IL1RAPL1: variants seen among roughly 807,000 people sequenced by gnomAD.
IL1RAPL1 encodes the protein interleukin 1 receptor accessory protein like 1.
IL1RAPL1 carries 3 observed loss-of-function variants against 48.4 expected under a neutral mutation model. That is an observed-to-expected ratio of 0.06 (90% CI 0.03 to 0.16). IL1RAPL1 has a LOEUF of 0.16. Among genes scored for constraint, IL1RAPL1 ranks in the 10% least tolerant of loss-of-function variants. The pLI is 1.00. For synonymous variants in IL1RAPL1, 185 were observed against 187.7 expected, an observed-to-expected ratio of 0.99 and a Z score of 0.12; for missense variants, 349 against 530.6, an observed-to-expected ratio of 0.66 and a Z score of 3.36.
intron 2 of IL1RAPL1, among the ~76,000 whole-genome samples, chrX:29,051,190 A>G (rs981105417): frequency 8.0e-5 from 9 of 112,229 alleles, no homozygotes; most frequent in African/African-American, 2.9e-4. Context: ...GCATGTACAT[A>G]ACAGTGTCGA....
At chrX:29,226,949 C>T (rs1931094262) in intron 2 of IL1RAPL1, among the ~76,000 whole-genome samples, 1 of 107,868 alleles carries the variant, frequency 9.3e-6, no homozygotes, top group South Asian at 4.0e-4. Flanking sequence ...CTCCAAAGAA[C>T]ATTATTATAA....
At chrX:28,953,154 G>A (rs1924516486) in intron 2 of IL1RAPL1, among the ~76,000 whole-genome samples, 2 of 111,134 alleles carry the variant, frequency 1.8e-5, no homozygotes, top group Non-Finnish European at 3.8e-5. Flanking sequence ...TGAAATTGGT[G>A]GTGTTTTCTT....
In IL1RAPL1 at chrX:28,643,906, G is replaced by C. The variant is rs748282855; in HGVS notation, c.-25+55859G>C. Among the ~76,000 whole-genome samples the C allele has an allele frequency of 2.7e-5, 3 of 111,610 alleles. No individual in the cohort carries two copies. The East Asian group carries it at 8.5e-4, about 32-fold the overall frequency. ...TTGTTGTGCCAAATAATTCAGCTCT[G>C]GTCCTGAGTTTACAAACACATTCTT... On this transcript the variant is annotated intron_variant, in intron 1 of 10. Coordinates refer to ENST00000378993, the MANE Select transcript of IL1RAPL1 (RefSeq NM_014271.4).
chrX:28,949,549 T>C (rs1924395006), intron 2 of IL1RAPL1, among the ~76,000 whole-genome samples: 1 of 111,538 alleles, frequency 9.0e-6, no homozygotes, highest in Non-Finnish European at 1.9e-5. Flanking sequence ...TACTATCTGG[T>C]CCTTTGTAGA....
intron 2 of IL1RAPL1, among the ~76,000 whole-genome samples, chrX:29,081,010 C>CTTTTCTTT (rs1927814770): frequency 5.9e-5 from 4 of 67,724 alleles, no homozygotes; most frequent in Middle Eastern, 7.6e-3. Flanking sequence ...CTCTCTCTCT[C>CTTTTCTTT]TCTCTCTCTC....
intron 6 of IL1RAPL1, among the ~76,000 whole-genome samples, chrX:29,672,580 C>G (rs144100940): frequency 9.0e-6 from 1 of 111,341 alleles, no homozygotes; most frequent in African/African-American, 3.3e-5. Context: ...TCTATAATCT[C>G]TATCCATTTT....
intron 2 of IL1RAPL1, among the ~76,000 whole-genome samples, chrX:28,808,110 C>T (rs1257281428): frequency 9.0e-6 from 1 of 111,251 alleles, no homozygotes; most frequent in Non-Finnish European, 1.9e-5. Context: ...GTTTTCCTCG[C>T]AGTAGATTGA....
At chrX:29,415,798 G>A (rs1351142796) in intron 5 of IL1RAPL1, among the ~76,000 whole-genome samples, 1 of 112,144 alleles carries the variant, frequency 8.9e-6, no homozygotes, top group Non-Finnish European at 1.9e-5. Flanking sequence ...TTGTTACTTG[G>A]TATAAATAAA....
rs753272528 is a variant in IL1RAPL1 at position 28,762,779 on chromosome X, C to T, written c.-24-26541C>T. Among the ~76,000 whole-genome samples, 5 of 65,666 alleles carry T rather than the reference C, an allele frequency of 7.6e-5. No individual in the cohort carries two copies. In the East Asian group the frequency reaches 3.0e-3, roughly 40 times the overall value. 57.0% of individuals were successfully genotyped at this position (65,666 alleles called of 115,157 possible). A position where few individuals can be genotyped will look rare whatever the true frequency, so the allele number is the denominator to read the frequency against. On this transcript the variant is annotated intron_variant, in intron 1 of 10. Coordinates refer to ENST00000378993, the MANE Select transcript of IL1RAPL1 (RefSeq NM_014271.4). Reference sequence around the variant, plus strand: ...GTATATATATAAAATCTAATACGCACGCGCGCGCACACACACACACACACA... The same window carrying T: ...GTATATATATAAAATCTAATACGCATGCGCGCGCACACACACACACACACA...
At chrX:29,155,007 C>CTT (rs1276795423) in intron 2 of IL1RAPL1, among the ~76,000 whole-genome samples, 2 of 101,361 alleles carry the variant, frequency 2.0e-5, no homozygotes, top group Non-Finnish European at 4.0e-5. Context: ...TTCTTTCTGT[C>CTT]TTTTTTTTTT....
chrX:29,496,698 T>C (rs2179406), intron 5 of IL1RAPL1, among the ~76,000 whole-genome samples: 7,693 of 111,106 alleles, frequency 0.069, 663 homozygotes, highest in African/African-American at 0.24. Flanking sequence ...GTGGTTTAAC[T>C]GAGCACTTAA....
intron 5 of IL1RAPL1, among the ~76,000 whole-genome samples, chrX:29,562,906 G>C (rs1436623545): frequency 8.9e-6 from 1 of 111,908 alleles, no homozygotes; most frequent in Non-Finnish European, 1.9e-5. Context: ...ATGACAAAGA[G>C]AGCATGACCA....
intron 2 of IL1RAPL1, among the ~76,000 whole-genome samples, chrX:29,178,773 A>T (rs369645812): frequency 2.7e-5 from 3 of 111,558 alleles, no homozygotes; most frequent in East Asian, 2.8e-4. Flanking sequence ...AATTTTTGTA[A>T]AAGGTGTAAG....
chrX:28,788,102 A>G (rs1423118839), intron 1 of IL1RAPL1, among the ~76,000 whole-genome samples: 1 of 111,729 alleles, frequency 9.0e-6, no homozygotes, highest in Admixed American at 9.5e-5. Flanking sequence ...AATTAATGAT[A>G]CTACATTGTA....
chrX:28,935,302 T>C (rs778152807), intron 2 of IL1RAPL1, among the ~76,000 whole-genome samples: 3 of 111,603 alleles, frequency 2.7e-5, no homozygotes, highest in Non-Finnish European at 5.6e-5. Flanking sequence ...TTACAAAGCG[T>C]AAGGCAGAGT....
chrX:29,369,748 G>A (rs1165313066), intron 3 of IL1RAPL1: 2 of 111,958 alleles, frequency 1.8e-5, no homozygotes, highest in East Asian at 5.6e-4. Flanking sequence ...AGGAGAAGGT[G>A]GACAATGAGA....
intron 2 of IL1RAPL1, among the ~76,000 whole-genome samples, chrX:28,850,834 T>G (rs1192540810): frequency 1.2e-5 from 1 of 83,230 alleles, no homozygotes; most frequent in Non-Finnish European, 2.1e-5. Context: ...ACCCCTATGG[T>G]TTTTTTTTTT....
At chrX:28,745,839 T>A (rs1455339034) in intron 1 of IL1RAPL1, among the ~76,000 whole-genome samples, 3 of 111,947 alleles carry the variant, frequency 2.7e-5, no homozygotes. Context: ...ACAAAACTAA[T>A]GCATTTCTAC....
At chrX:29,391,507 G>C (rs1933852761) in intron 3 of IL1RAPL1, among the ~76,000 whole-genome samples, 1 of 110,360 alleles carries the variant, frequency 9.1e-6, no homozygotes, top group Non-Finnish European at 1.9e-5. Flanking sequence ...CAGGTCATTT[G>C]CTCCCTTATA....
Sources: gnomAD v4.1 joint callset for allele counts (sites outside exome capture counted in the v4.1 genomes callset) on GRCh38, gnomAD v4.1.1 for gene constraint, MANE v1.5 for transcripts, NCBI Gene and HGNC (gene_info 2026-07-23, HGNC 2026-07-21) for gene names.